CASK: variants seen among roughly 807,000 people sequenced by gnomAD.
The protein encoded by CASK is calcium/calmodulin dependent serine protein kinase.
A neutral mutation model predicts 82.9 loss-of-function variants in CASK; 4 were observed. That is an observed-to-expected ratio of 0.05 (90% CI 0.02 to 0.11). CASK has a LOEUF of 0.11. CASK is among the 10% of genes least tolerant of loss of function. The pLI is 1.00. For missense variants in CASK, 358 were observed against 720.9 expected (o/e 0.50, Z 5.76); for synonymous variants, 259 against 253.5 (o/e 1.02, Z -0.20).
chrX:41,629,565 T>A (rs1221701785), intron 9 of CASK, among the ~76,000 whole-genome samples: 1 of 111,687 alleles, frequency 9.0e-6, no homozygotes, highest in Non-Finnish European at 1.9e-5. Flanking sequence ...TTCAAGGATT[T>A]CTACTATACT....
At chrX:41,854,228 A>ACGGGCG (rs1461780926) in intron 1 of CASK, among the ~76,000 whole-genome samples, 5 of 91,070 alleles carry the variant, frequency 5.5e-5, no homozygotes, top group African/African-American at 2.6e-4. Flanking sequence ...GCGCGCGCAC[A>ACGGGCG]CACACACACA....
At chrX:41,655,393 C>T (rs184013724) in intron 8 of CASK, among the ~76,000 whole-genome samples, 3 of 110,743 alleles carry the variant, frequency 2.7e-5, no homozygotes, top group Non-Finnish European at 3.8e-5. Context: ...ATTTCCATCT[C>T]GGTGCATTTA....
In CASK at chrX:41,752,069, A is replaced by C. The variant is rs753600584; in HGVS notation, c.279-6468T>G. On this transcript the variant is annotated intron_variant, in intron 3 of 26. Coordinates refer to ENST00000378163, the MANE Select transcript of CASK (RefSeq NM_001367721.1). ...CCCACCCACCAAAAAAAAAAACACAAAAAAAAAACACCCCAAAAACCTCAA... is the reference window on the plus strand; with the variant it reads ...CCCACCCACCAAAAAAAAAAACACACAAAAAAAACACCCCAAAAACCTCAA... Among the ~76,000 whole-genome samples, 255 of 104,817 alleles carry C rather than the reference A, an allele frequency of 2.4e-3. 1 individual carries two copies. The highest frequency in any genetic ancestry group is 3.6e-3 in the Non-Finnish European group (183 of 50,657). The allele number at this position is 104,817 out of a possible 115,157, so 91.0% of individuals were successfully genotyped here. A position where few individuals can be genotyped will look rare whatever the true frequency, so the allele number is the denominator to read the frequency against.
At chrX:41,808,314 C>T (rs1437017973) in intron 2 of CASK, among the ~76,000 whole-genome samples, 2 of 111,799 alleles carry the variant, frequency 1.8e-5, no homozygotes, top group Non-Finnish European at 3.8e-5. Flanking sequence ...TTGCCATTTA[C>T]TCGACTGATA....
chrX:41,900,046 TG>T (rs1302245240), intron 1 of CASK, among the ~76,000 whole-genome samples: 106 of 109,019 alleles, frequency 9.7e-4, no homozygotes, highest in African/African-American at 3.4e-3. Context: ...TTTTTTGTTT[TG>T]TTTTTTTTTT....
chrX:41,604,631 T>G (rs965475530), intron 12 of CASK, among the ~76,000 whole-genome samples: 1 of 111,390 alleles, frequency 9.0e-6, no homozygotes, highest in African/African-American at 3.3e-5. Context: ...TTGTGGTACT[T>G]TGTTATGGCA....
intron 1 of CASK, among the ~76,000 whole-genome samples, chrX:41,918,801 T>TA (rs1311011048): frequency 8.9e-6 from 1 of 112,404 alleles, no homozygotes; most frequent in Non-Finnish European, 1.9e-5. Flanking sequence ...ATTACATACA[T>TA]AATCTAAGTT....
intron 12 of CASK, among the ~76,000 whole-genome samples, chrX:41,591,428 T>C (rs2065742509): frequency 8.9e-6 from 1 of 112,005 alleles, no homozygotes; most frequent in Non-Finnish European, 1.9e-5. Context: ...TAAGTTCTAG[T>C]GATCTGCTGT....
intron 5 of CASK, among the ~76,000 whole-genome samples, chrX:41,677,734 C>A (rs1319384730): frequency 8.9e-6 from 1 of 111,987 alleles, no homozygotes; most frequent in Admixed American, 9.4e-5. Flanking sequence ...CTGAGGATGC[C>A]TCTTTTTAAC....
At chrX:41,550,825 T>C (rs763518068) in intron 21 of CASK, among the ~76,000 whole-genome samples, 1 of 110,869 alleles carries the variant, frequency 9.0e-6, no homozygotes, top group Admixed American at 9.6e-5. Flanking sequence ...GTGGGTGGAT[T>C]GCTTGGGTCC....
chrX:41,846,438 G>C lies in CASK; in HGVS notation c.172+6677C>G, dbSNP rs955675290. On this transcript the variant is annotated intron_variant, in intron 2 of 26. Coordinates refer to ENST00000378163, the MANE Select transcript of CASK (RefSeq NM_001367721.1). ...TACCAGAGGCTGGAAAGGGTAGTTG[G>C]GGGGGCGGGGGGCTAGTAGGGGTTG... Among the ~76,000 whole-genome samples the C allele has an allele frequency of 7.4e-5, 8 of 108,615 alleles. No homozygotes were observed. In the East Asian group the frequency reaches 1.2e-3, roughly 16 times the overall value. The allele number at this position is 108,615 out of a possible 115,157, so 94.3% of individuals were successfully genotyped here.
intron 1 of CASK, among the ~76,000 whole-genome samples, chrX:41,901,886 G>A (rs1431812208): frequency 8.9e-6 from 1 of 112,035 alleles, no homozygotes; most frequent in Non-Finnish European, 1.9e-5. Flanking sequence ...CTAGCCTGGT[G>A]CTAGAATGAG....
chrX:41,808,694 C>A (rs1374066934), intron 2 of CASK, among the ~76,000 whole-genome samples: 26 of 112,168 alleles, frequency 2.3e-4, no homozygotes, highest in Non-Finnish European at 2.4e-4. Flanking sequence ...GTACCGGGTT[C>A]ATCTCACTGG....
At chrX:41,638,571 G>A (rs1449595007) in intron 8 of CASK, among the ~76,000 whole-genome samples, 5 of 111,013 alleles carry the variant, frequency 4.5e-5, no homozygotes, top group Non-Finnish European at 7.5e-5. Context: ...AACAAATTGG[G>A]TGGTCAGAGT....
intron 5 of CASK, chrX:41,695,845 G>A: frequency 2.5e-6 from 3 of 1,203,480 alleles, no homozygotes; most frequent in Non-Finnish European, 3.4e-6. Flanking sequence ...GGACTGGTTG[G>A]GAACATAATC....
At chrX:41,809,129 G>A (rs756420508) in intron 2 of CASK, among the ~76,000 whole-genome samples, 13 of 112,505 alleles carry the variant, frequency 1.2e-4, no homozygotes, top group African/African-American at 4.2e-4. Flanking sequence ...AGCTCAAGGA[G>A]GCCTTCCTGC....
At chrX:41,557,757 A>ATAT (rs2065176700) in intron 18 of CASK, among the ~76,000 whole-genome samples, 1 of 111,471 alleles carries the variant, frequency 9.0e-6, no homozygotes, top group Non-Finnish European at 1.9e-5. Context: ...CACTCTTCCT[A>ATAT]TATCCAGGCT....
chrX:41,528,590 C>G (rs1184202639), intron 25 of CASK, among the ~76,000 whole-genome samples: 2 of 112,507 alleles, frequency 1.8e-5, no homozygotes, highest in Non-Finnish European at 3.7e-5. Context: ...GAATTTCATC[C>G]TCACCATCTT....
chrX:41,664,322 T>C (rs1428078838), intron 7 of CASK, among the ~76,000 whole-genome samples: 1 of 112,012 alleles, frequency 8.9e-6, no homozygotes. Flanking sequence ...AAGTCCCATA[T>C]AAAATTCTAA....
Sources: gnomAD v4.1 joint callset for allele counts (sites outside exome capture counted in the v4.1 genomes callset) on GRCh38, gnomAD v4.1.1 for gene constraint, MANE v1.5 for transcripts, NCBI Gene and HGNC (gene_info 2026-07-23, HGNC 2026-07-21) for gene names.